Variants in CBFA2T3 observed in about 807,000 individuals in gnomAD.
The protein encoded by CBFA2T3 is CBFA2/RUNX1 partner transcriptional co-repressor 3, also known as transcriptional corepressor CBFA2T3.
A neutral mutation model predicts 58.6 loss-of-function variants in CBFA2T3; 31 were observed. The observed-to-expected ratio is 0.53, with a 90% CI of 0.40 to 0.71. CBFA2T3 has a LOEUF of 0.71. Ranked by LOEUF, CBFA2T3 falls within the 30% of genes least tolerant of loss-of-function variation. CBFA2T3 has a pLI of 0.00. For synonymous variants in CBFA2T3, 531 were observed against 421.9 expected, an observed-to-expected ratio of 1.26 and a Z score of -3.17; for missense variants, 1,076 against 963.1, an observed-to-expected ratio of 1.12 and a Z score of -1.55.
At chr16:88,930,350 C>T (rs966068024) in intron 1 of CBFA2T3, among the ~76,000 whole-genome samples, 30 of 151,006 alleles carry the variant, frequency 2.0e-4, no homozygotes, top group Admixed American at 7.9e-4. Context: ...GCATCGTCCA[C>T]GCAAAAGCTA....
At chr16:88,905,024 C>T (rs1376423048) in intron 1 of CBFA2T3, among the ~76,000 whole-genome samples, 2 of 152,040 alleles carry the variant, frequency 1.3e-5, no homozygotes, top group African/African-American at 4.8e-5. Flanking sequence ...TGACAAGGAC[C>T]CTCAGAGAAG....
intron 1 of CBFA2T3, among the ~76,000 whole-genome samples, chr16:88,934,568 C>A (rs1241089521): frequency 1.3e-5 from 2 of 152,230 alleles, no homozygotes; most frequent in Non-Finnish European, 2.9e-5. Flanking sequence ...TGCTGACCAA[C>A]CCCCGCAAGG....
chr16:88,902,503 C>G (rs537330969), intron 1 of CBFA2T3: 1 of 152,212 alleles, frequency 6.6e-6, no homozygotes, highest in Non-Finnish European at 1.5e-5. Flanking sequence ...GGAAAACGCT[C>G]AAGGCGCTGG....
intron 1 of CBFA2T3, among the ~76,000 whole-genome samples, chr16:88,911,674 C>A (rs933963759): frequency 6.6e-6 from 1 of 152,282 alleles, no homozygotes; most frequent in Non-Finnish European, 1.5e-5. Context: ...TCACGAAAAG[C>A]GTCTAGAACA....
At chr16:88,880,874 A>G in intron 9 of CBFA2T3, 86 bp from the exon 10 acceptor site, 2 of 1,244,828 alleles carry the variant, frequency 1.6e-6, no homozygotes, top group Non-Finnish European at 2.3e-6. Context: ...CTGGGCCCTG[A>G]GTGCAGGGCG....
At chr16:88,960,975 A>T (rs1157462068) in intron 1 of CBFA2T3, among the ~76,000 whole-genome samples, 2 of 152,254 alleles carry the variant, frequency 1.3e-5, no homozygotes, top group Non-Finnish European at 2.9e-5. Flanking sequence ...CTTACGATTT[A>T]AAAATTTGTT....
intron 1 of CBFA2T3, among the ~76,000 whole-genome samples, chr16:88,925,667 C>T (rs1288576324): frequency 1.3e-5 from 2 of 152,202 alleles, no homozygotes; most frequent in East Asian, 1.9e-4. Context: ...ACCAGGGTAA[C>T]CGGAGGCTTC....
intron 1 of CBFA2T3, among the ~76,000 whole-genome samples, chr16:88,954,440 C>G: frequency 7.0e-6 from 1 of 143,400 alleles, no homozygotes; most frequent in South Asian, 2.2e-4. Flanking sequence ...TGACCCCATC[C>G]AAGGCTCCTG....
At position 88,958,132 on chromosome 16, in the gene CBFA2T3, A is replaced by G. The variant is rs1176188993; in HGVS notation, c.151+18525T>C. 6.6e-6 allele frequency among the ~76,000 whole-genome samples: 1 copy of G among 152,168 alleles called. No individual in the cohort carries two copies. The highest frequency in any genetic ancestry group is 2.4e-5 in the African/African-American group (1 of 41,444). ...CCAGGGCAGTAGCGGGATGGGTGTC[A>G]AGGCCGTGCACACCCACGAGGCCGT... On this transcript the variant is annotated intron_variant, in intron 1 of 11. Coordinates refer to ENST00000268679, the MANE Select transcript of CBFA2T3 (RefSeq NM_005187.6). The surrounding 1 kb of genome is among the most constrained non-coding windows in gnomAD (Gnocchi z 4.0).
intron 1 of CBFA2T3, among the ~76,000 whole-genome samples, chr16:88,966,861 A>G (rs1049707672): frequency 2.0e-5 from 3 of 151,994 alleles, no homozygotes; most frequent in African/African-American, 7.3e-5. Flanking sequence ...CCAGGCGCTC[A>G]TTTCCCCCAG....
In CBFA2T3 at chr16:88,879,740, C is replaced by T. The variant is rs1352851233; in HGVS notation, c.1472-280G>A. The T allele has an allele frequency of 2.4e-5, 10 of 423,126 alleles. No individual in the cohort carries two copies. In the South Asian group the frequency reaches 3.0e-4, roughly 13 times the overall value. 26.2% of individuals were successfully genotyped at this position (423,126 alleles called of 1,614,324 possible). On this transcript the variant is annotated intron_variant, in intron 10 of 11. Transcript: ENST00000268679. ...GGCATGTGTGTGCAAAGCTGGGTCA[C>T]GTGGTGTCACAAGTCAAAGCTTGCA... is the stretch of plus-strand genomic sequence containing the variant.
In CBFA2T3 at chr16:88,931,429, C is replaced by T. The variant is rs374289155; in HGVS notation, c.152-29773G>A. Among the ~76,000 whole-genome samples, 19 of 152,226 alleles carry T rather than the reference C, an allele frequency of 1.2e-4. 1 individual carries two copies. Among genetic ancestry groups the T allele is most frequent in the East Asian group, 1.2e-3 (6 of 5,180 alleles). ...AAGGGTGGGAAGCGCTCACAAGGAC[C>T]GGTCTGTGGCAAGTGACAAGTGACC... On this transcript the variant is annotated intron_variant, in intron 1 of 11. Transcript: ENST00000268679.
intron 1 of CBFA2T3, among the ~76,000 whole-genome samples, chr16:88,949,284 C>T (rs544967780): frequency 1.3e-5 from 2 of 152,278 alleles, no homozygotes; most frequent in Admixed American, 6.5e-5. Flanking sequence ...GGAGGCCGGG[C>T]GCGGCGCCTC....
chr16:88,893,808 C>A (rs1336368858), intron 3 of CBFA2T3, among the ~76,000 whole-genome samples: 1 of 152,196 alleles, frequency 6.6e-6, no homozygotes, highest in Non-Finnish European at 1.5e-5. Context: ...TAAGGCCAAG[C>A]CTCTTGCAAG....
chr16:88,959,292 G>C (rs1472120949), intron 1 of CBFA2T3, among the ~76,000 whole-genome samples: 1 of 152,258 alleles, frequency 6.6e-6, no homozygotes, highest in Non-Finnish European at 1.5e-5. Context: ...TGGGGACAGG[G>C]CATGACCCTG....
intron 1 of CBFA2T3, among the ~76,000 whole-genome samples, chr16:88,919,110 C>A (rs532828007): frequency 2.6e-4 from 40 of 152,042 alleles, no homozygotes; most frequent in African/African-American, 9.7e-4. Flanking sequence ...TGTTCCTCTT[C>A]CTTATTTGAA....
In CBFA2T3 at chr16:88,876,604, G is replaced by A. The variant is rs1006192454; in HGVS notation, c.*372C>T. 2 of 283,116 alleles carry A rather than the reference G, an allele frequency of 7.1e-6. No homozygotes were observed. The highest frequency in any genetic ancestry group is 2.1e-5 in the African/African-American group (1 of 46,830). The allele number at this position is 283,116 out of a possible 1,614,324, so 17.5% of individuals were successfully genotyped here. On this transcript the variant is annotated 3_prime_UTR_variant, in exon 12 of 12. Transcript: ENST00000268679. ...GATAGTCATAGAGAGAGAGAGGATAGAGAAGACAGAGGGGGAGAGACAGAC... is the reference window on the plus strand; with the variant it reads ...GATAGTCATAGAGAGAGAGAGGATAAAGAAGACAGAGGGGGAGAGACAGAC...
At chr16:88,878,645 CTAGAGAA>C (rs1567571432) in intron 11 of CBFA2T3, among the ~76,000 whole-genome samples, 1 of 152,188 alleles carries the variant, frequency 6.6e-6, no homozygotes, top group African/African-American at 2.4e-5. Context: ...TTCTCACAGG[CTAGAGAA>C]CACGGGTTTC....
At chr16:88,920,020 G>A (rs566499706) in intron 1 of CBFA2T3, among the ~76,000 whole-genome samples, 4 of 152,352 alleles carry the variant, frequency 2.6e-5, no homozygotes, top group Admixed American at 6.5e-5. Flanking sequence ...GCAGCTTCCC[G>A]AGCACTCTGC....
Sources: allele counts gnomAD v4.1 joint callset (sites outside exome capture counted in the v4.1 genomes callset), GRCh38; gene constraint gnomAD v4.1.1; non-coding constraint Gnocchi (gnomAD v3.1); transcripts MANE v1.5; gene names NCBI Gene and HGNC (gene_info 2026-07-23, HGNC 2026-07-21).